ZRANB3: variants seen among roughly 807,000 people sequenced by gnomAD.
The protein encoded by ZRANB3 is zinc finger RANBP2-type containing 3.
A neutral mutation model predicts 133.8 loss-of-function variants in ZRANB3; 125 were observed. The observed-to-expected ratio is 0.93, with a 90% CI of 0.81 to 1.08. ZRANB3 has a LOEUF of 1.08. ZRANB3 is among the 50% of genes least tolerant of loss of function. The pLI is 0.00. For missense variants in ZRANB3, 1,229 were observed against 1,275.5 expected (o/e 0.96, Z 0.56); for synonymous variants, 387 against 432.7 (o/e 0.89, Z 1.31).
intron 6 of ZRANB3, among the ~76,000 whole-genome samples, chr2:135,340,934 G>A (rs1684623277): frequency 6.7e-6 from 1 of 149,884 alleles, no homozygotes; most frequent in Admixed American, 6.6e-5. Flanking sequence ...CTTTTTATAT[G>A]TCCTTTAGTA....
At chr2:135,388,995 G>A (rs1240638414) in intron 3 of ZRANB3, among the ~76,000 whole-genome samples, 5 of 152,028 alleles carry the variant, frequency 3.3e-5, no homozygotes, top group African/African-American at 4.8e-5. Context: ...GGAGAATGGC[G>A]TGAACCTGGG....
chr2:135,207,685 A>C lies in ZRANB3; in HGVS notation c.2758T>G (p.Cys920Gly), dbSNP rs767963956. Reference protein sequence around the residue: ...PLCLRCQQPTCQTKQACKANS... With the variant: ...PLCLRCQQPTGQTKQACKANS... The stretch of plus-strand genomic sequence containing the variant: ...GCTTTACATGCTTGCTTAGTCTGGC[A>C]AGTGGGTTGCTGACAGCGAAGGCAA... The change falls in exon 19 of 21, where the codon TGC (cysteine) becomes GGC (glycine). Residue 920 changes from cysteine to glycine, a missense_variant. By Grantham distance (159) the Cys-to-Gly change is radical. Transcript: ENST00000264159. 5 of 1,613,980 alleles carry C rather than the reference A, an allele frequency of 3.1e-6. No homozygotes were observed. The highest frequency in any genetic ancestry group is 4.2e-6 in the Non-Finnish European group (5 of 1,179,872).
chr2:135,510,360 G>T (rs1453835529), intron 1 of ZRANB3, among the ~76,000 whole-genome samples: 1 of 152,046 alleles, frequency 6.6e-6, no homozygotes, highest in Non-Finnish European at 1.5e-5. Context: ...AAAGACTAAA[G>T]GTCAGGAAAG....
chr2:135,256,290 A>G (rs1679648354), intron 12 of ZRANB3, among the ~76,000 whole-genome samples: 1 of 152,052 alleles, frequency 6.6e-6, no homozygotes, highest in Non-Finnish European at 1.5e-5. Context: ...TCACTTAGCA[A>G]ATTTTCAGGG....
At chr2:135,248,239 C>T (rs2197788) in intron 12 of ZRANB3, among the ~76,000 whole-genome samples, 1 of 152,202 alleles carries the variant, frequency 6.6e-6, no homozygotes, top group African/African-American at 2.4e-5. Context: ...TCCTCCAAGC[C>T]TGGGGCTCTA....
At chr2:135,292,612 T>G (rs566811921) in intron 8 of ZRANB3, among the ~76,000 whole-genome samples, 7 of 152,366 alleles carry the variant, frequency 4.6e-5, no homozygotes, top group African/African-American at 1.2e-4. Flanking sequence ...AGATCCCATT[T>G]GACAATTTTG....
chr2:135,228,802 GTAATATCAC>G (rs1337529540), intron 13 of ZRANB3, among the ~76,000 whole-genome samples: 1 of 152,064 alleles, frequency 6.6e-6, no homozygotes, highest in Non-Finnish European at 1.5e-5. Context: ...TTTATATATA[GTAATATCAC>G]TGTTACTTAG....
chr2:135,446,466 G>T (rs1462537761), intron 2 of ZRANB3, among the ~76,000 whole-genome samples: 1 of 152,158 alleles, frequency 6.6e-6, no homozygotes, highest in African/African-American at 2.4e-5. Flanking sequence ...TTGTCATGGA[G>T]AATGATAGAG....
At chr2:135,373,046 G>C (rs112071873) in intron 3 of ZRANB3, among the ~76,000 whole-genome samples, 1 of 149,018 alleles carries the variant, frequency 6.7e-6, no homozygotes, top group Non-Finnish European at 1.5e-5. Context: ...CGACAAAAGC[G>C]AGACTCCATC....
intron 6 of ZRANB3, among the ~76,000 whole-genome samples, chr2:135,324,190 C>T (rs534265385): frequency 6.6e-6 from 1 of 151,998 alleles, no homozygotes; most frequent in Non-Finnish European, 1.5e-5. Flanking sequence ...ATTAACTCAT[C>T]ATTTAACATT....
chr2:135,523,414 T>C (rs945242307), intron 1 of ZRANB3, among the ~76,000 whole-genome samples: 1 of 152,244 alleles, frequency 6.6e-6, no homozygotes, highest in Non-Finnish European at 1.5e-5. Flanking sequence ...GCAATTATTC[T>C]TCTCTGTTTC....
At chr2:135,224,252 C>T (rs116129201) in intron 15 of ZRANB3, among the ~76,000 whole-genome samples, 174 bp downstream of exon 15, 217 of 152,226 alleles carry the variant, frequency 1.4e-3, no homozygotes, top group Middle Eastern at 6.8e-3. Context: ...TTCTTAAAGA[C>T]GTGTGGTTTT....
chr2:135,459,420 G>C (rs1270277567), intron 2 of ZRANB3, among the ~76,000 whole-genome samples: 1 of 152,058 alleles, frequency 6.6e-6, no homozygotes, highest in African/African-American at 2.4e-5. Context: ...AAGCACAAAG[G>C]AAGAAGCATA....
chr2:135,428,824 C>G (rs1365117350), intron 2 of ZRANB3, among the ~76,000 whole-genome samples: 2 of 152,158 alleles, frequency 1.3e-5, no homozygotes, highest in Non-Finnish European at 2.9e-5. Context: ...AATATCCAAA[C>G]CAAGATGACA....
intron 2 of ZRANB3, among the ~76,000 whole-genome samples, chr2:135,440,767 C>A (rs572657744): frequency 3.5e-4 from 54 of 152,270 alleles, no homozygotes; most frequent in Middle Eastern, 6.8e-3. Flanking sequence ...CCTTGCCAGA[C>A]TTCTAACCTA....
chr2:135,386,755 C>T (rs1686996315), intron 3 of ZRANB3, among the ~76,000 whole-genome samples: 1 of 152,054 alleles, frequency 6.6e-6, no homozygotes, highest in African/African-American at 2.4e-5. Flanking sequence ...GAAAACTAAA[C>T]ACCGCATGTT....
intron 2 of ZRANB3, among the ~76,000 whole-genome samples, chr2:135,392,944 T>C (rs1687309948): frequency 6.6e-6 from 1 of 151,916 alleles, no homozygotes; most frequent in South Asian, 2.1e-4. Context: ...AGTGGCACAA[T>C]CACGGCTCAC....
At chr2:135,524,773 A>G (rs1414819081) in intron 1 of ZRANB3, among the ~76,000 whole-genome samples, 2 of 152,190 alleles carry the variant, frequency 1.3e-5, no homozygotes, top group Non-Finnish European at 2.9e-5. Context: ...AGAACCATGT[A>G]TAAATGAGAA....
At chr2:135,339,976 C>G (rs1684559564) in intron 6 of ZRANB3, among the ~76,000 whole-genome samples, 1 of 151,904 alleles carries the variant, frequency 6.6e-6, no homozygotes, top group South Asian at 2.1e-4. Flanking sequence ...TTATGACTTC[C>G]CTAAAACAAA....
Sources: gnomAD v4.1 joint callset for allele counts (sites outside exome capture counted in the v4.1 genomes callset) on GRCh38, gnomAD v4.1.1 for gene constraint, MANE v1.5 for transcripts, NCBI Gene and HGNC (gene_info 2026-07-23, HGNC 2026-07-21) for gene names.